PDE8B: variants seen among roughly 807,000 people sequenced by gnomAD.
PDE8B encodes the protein high affinity cAMP-specific and IBMX-insensitive 3',5'-cyclic phosphodiesterase 8B.
PDE8B carries 26 observed loss-of-function variants against 101.3 expected under a neutral mutation model. The ratio of observed to expected loss-of-function variants is 0.26; its 90% confidence interval spans 0.19 to 0.36. The LOEUF is 0.36. PDE8B is among the 10% of genes least tolerant of loss of function. PDE8B has a pLI of 1.00. For missense variants in PDE8B, 810 were observed against 1,163.1 expected, an observed-to-expected ratio of 0.70 and a Z score of 4.42; for synonymous variants, 424 against 429.3, an observed-to-expected ratio of 0.99 and a Z score of 0.15.
chr5:77,209,038 T>C (rs1265154851), upstream of PDE8B, among the ~76,000 whole-genome samples: 1 of 152,122 alleles, frequency 6.6e-6, no homozygotes, highest in Non-Finnish European at 1.5e-5. Flanking sequence ...CTAAAAAGCC[T>C]CCCTCTGCCT....
At chr5:77,348,813 G>A (rs778530026) in intron 7 of PDE8B, among the ~76,000 whole-genome samples, 1 of 152,118 alleles carries the variant, frequency 6.6e-6, no homozygotes, top group Admixed American at 6.5e-5. Flanking sequence ...CTCCTGAATA[G>A]CAGGGACTAC....
the PDE8B span, among the ~76,000 whole-genome samples, chr5:77,096,595 G>A: frequency 6.6e-6 from 1 of 152,152 alleles, no homozygotes. Flanking sequence ...TATTAATGAG[G>A]GTAGGGCTCT....
At chr5:77,111,100 C>T in the PDE8B span, among the ~76,000 whole-genome samples, 1 of 152,096 alleles carries the variant, frequency 6.6e-6, no homozygotes, top group South Asian at 2.1e-4. Context: ...ACTTTGGTTG[C>T]AGAATGAAGA....
intron 1 of PDE8B, chr5:77,290,673 A>G: frequency 6.6e-7 from 1 of 1,506,290 alleles, no homozygotes; most frequent in African/African-American, 1.4e-5. Context: ...ATCAAGGATG[A>G]TTGGAGGACC....
At chr5:77,175,638 T>A in the PDE8B span, among the ~76,000 whole-genome samples, 47,609 of 152,128 alleles carry the variant, frequency 0.31, 9,875 homozygotes, top group East Asian at 0.79. Context: ...TCTCTCTTCC[T>A]CCACTAGAAT....
chr5:77,244,304 A>G (rs1010770722), intron 1 of PDE8B, among the ~76,000 whole-genome samples: 3 of 152,176 alleles, frequency 2.0e-5, no homozygotes, highest in Admixed American at 2.0e-4. Flanking sequence ...AGAAAGAGCA[A>G]CAGGGCCCTC....
chr5:77,392,037 G>T (rs551546875), intron 10 of PDE8B, among the ~76,000 whole-genome samples: 7 of 152,168 alleles, frequency 4.6e-5, no homozygotes, highest in Non-Finnish European at 1.0e-4. Flanking sequence ...AAATAAAAAT[G>T]TCCCATAATT....
the PDE8B span, among the ~76,000 whole-genome samples, chr5:77,197,507 T>G: frequency 6.6e-6 from 1 of 152,064 alleles, no homozygotes; most frequent in African/African-American, 2.4e-5. Context: ...TTCTTTCTTT[T>G]TAGTTTAGAT....
At chr5:77,091,679 A>C in the PDE8B span, among the ~76,000 whole-genome samples, 1 of 152,134 alleles carries the variant, frequency 6.6e-6, no homozygotes, top group Non-Finnish European at 1.5e-5. Flanking sequence ...ATAAAAAAGA[A>C]AAGTAACTAG....
Position 77,255,375 on chromosome 5 carries a change from G to C in PDE8B, c.339+44111G>C, listed in dbSNP as rs865979741. ...GGCATGCCACCAACGCGGCTGCACAGGGCCCTATTCTCAGAAGGGCCTCTC... is the reference window on the plus strand; with the variant it reads ...GGCATGCCACCAACGCGGCTGCACACGGCCCTATTCTCAGAAGGGCCTCTC... On this transcript the variant is annotated intron_variant, in intron 1 of 21. Coordinates refer to ENST00000264917, the MANE Select transcript of PDE8B (RefSeq NM_003719.5). 1.3e-5 allele frequency among the ~76,000 whole-genome samples: 2 copies of C among 152,198 alleles called. 1 individual carries two copies. The highest frequency in any genetic ancestry group is 2.9e-5 in the Non-Finnish European group (2 of 68,032).
Position 77,423,751 on chromosome 5 carries a change from C to T in PDE8B, c.2418+1763C>T, listed in dbSNP as rs532193666. On this transcript the variant is annotated intron_variant, in intron 20 of 21. Coordinates refer to ENST00000264917, the MANE Select transcript of PDE8B (RefSeq NM_003719.5). ...ACCTCCCAGGCTTGAGCAATTCTGCCTCAGCCTCCCAAGTAGCTGGGACTA... is the reference window on the plus strand; with the variant it reads ...ACCTCCCAGGCTTGAGCAATTCTGCTTCAGCCTCCCAAGTAGCTGGGACTA... Among the ~76,000 whole-genome samples the T allele has an allele frequency of 2.7e-5, 4 of 146,510 alleles. No individual in the cohort carries two copies. In the South Asian group the frequency reaches 8.9e-4, roughly 33 times the overall value.
intron 11 of PDE8B, among the ~76,000 whole-genome samples, chr5:77,403,759 C>T (rs929769994): frequency 7.9e-5 from 12 of 151,766 alleles, no homozygotes; most frequent in Non-Finnish European, 1.3e-4. Flanking sequence ...ATAGTTCCAC[C>T]TTTACTAGTT....
At chr5:77,343,095 G>T (rs1001685399) in intron 6 of PDE8B, among the ~76,000 whole-genome samples, 1 of 152,124 alleles carries the variant, frequency 6.6e-6, no homozygotes, top group Non-Finnish European at 1.5e-5. Context: ...GATCCACGAA[G>T]ATTTCACTGA....
intron 11 of PDE8B, among the ~76,000 whole-genome samples, chr5:77,400,946 T>C (rs1236943328): frequency 6.6e-6 from 1 of 152,224 alleles, no homozygotes; most frequent in Non-Finnish European, 1.5e-5. Flanking sequence ...TTTGCCCTGT[T>C]GGTGGCTTTC....
In PDE8B at chr5:77,211,812, T is replaced by C. The variant is rs1430654588; in HGVS notation, c.339+548T>C. Among the ~76,000 whole-genome samples the C allele has an allele frequency of 6.6e-6, 1 of 152,152 alleles. No individual in the cohort carries two copies. Among genetic ancestry groups the C allele is most frequent in the Admixed American group, 6.5e-5 (1 of 15,278 alleles). On this transcript the variant is annotated intron_variant, in intron 1 of 21. Transcript: ENST00000264917. The surrounding 1 kb of genome is among the most constrained non-coding windows in gnomAD (Gnocchi z 4.1). ...GAATGAGTGTTCGTGTTTTAAGAGA[T>C]GTGGGAACGGAGCAGAGTGGAACCT...
intron 10 of PDE8B, among the ~76,000 whole-genome samples, chr5:77,354,846 C>T (rs533605083): frequency 6.6e-6 from 1 of 152,344 alleles, no homozygotes; most frequent in South Asian, 2.1e-4. Flanking sequence ...CCTACCAGTC[C>T]TTCATGACCC....
intron 11 of PDE8B, among the ~76,000 whole-genome samples, chr5:77,404,412 G>A (rs1792978003): frequency 1.3e-5 from 2 of 152,192 alleles, no homozygotes; most frequent in Admixed American, 6.5e-5. Context: ...ACAGGTGTGA[G>A]GCCCTGCGCC....
intron 1 of PDE8B, among the ~76,000 whole-genome samples, chr5:77,228,428 A>G (rs1475933704): frequency 6.6e-6 from 1 of 152,150 alleles, no homozygotes; most frequent in Non-Finnish European, 1.5e-5. Context: ...GAAGTGTTCC[A>G]TGGAAGCATG....
intron 6 of PDE8B, among the ~76,000 whole-genome samples, chr5:77,342,519 T>A (rs2150374306): frequency 6.6e-6 from 1 of 152,272 alleles, no homozygotes; most frequent in African/African-American, 2.4e-5. Context: ...TCAGAGTTTT[T>A]TTTTTTAAAG....
Sources: gnomAD v4.1 joint callset for allele counts (sites outside exome capture counted in the v4.1 genomes callset) on GRCh38, gnomAD v4.1.1 for gene constraint, Gnocchi (gnomAD v3.1) non-coding constraint, MANE v1.5 for transcripts, NCBI Gene and HGNC (gene_info 2026-07-23, HGNC 2026-07-21) for gene names.